The following ANXA8 variants were observed in gnomAD, a reference collection of about 807,000 sequenced individuals.
ANXA8 encodes VAC-beta.
In ANXA8, 9 loss-of-function variants were observed where a neutral mutation model predicts 26.8. That is an observed-to-expected ratio of 0.34 (90% confidence interval 0.20 to 0.59). The LOEUF is 0.59. Among genes scored for constraint, ANXA8 ranks in the 20% least tolerant of loss-of-function variants. The probability of loss-of-function intolerance (pLI) is 0.84; values close to 1 mark genes in which losing one functional copy is unlikely to be tolerated. For synonymous variants in ANXA8, 39 were observed against 94.8 expected, an observed-to-expected ratio of 0.41 and a Z score of 3.42; for missense variants, 83 against 238.5, an observed-to-expected ratio of 0.35 and a Z score of 4.29.
At chr10:47,740,249 G>A in the ANXA8 span, among the ~76,000 whole-genome samples, 1 of 144,592 alleles carries the variant, frequency 6.9e-6, no homozygotes, top group Non-Finnish European at 1.5e-5. Flanking sequence ...CCCTTCTCTA[G>A]GTCACGTCTA....
At chr10:47,726,892 A>G in the ANXA8 span, 7 of 1,590,610 alleles carry the variant, frequency 4.4e-6, no homozygotes, top group South Asian at 7.7e-5. Flanking sequence ...ACATCCATGT[A>G]GAATCAAAGC....
the ANXA8 span, among the ~76,000 whole-genome samples, chr10:47,744,439 A>AGGGGGGG: frequency 2.5e-4 from 6 of 23,794 alleles, no homozygotes; most frequent in Admixed American, 6.4e-4. Context: ...GGAGGGGGGA[A>AGGGGGGG]GAGGGGGGGC....
the ANXA8 span, among the ~76,000 whole-genome samples, chr10:47,900,076 TCAA>T: frequency 6.8e-6 from 1 of 147,554 alleles, no homozygotes; most frequent in East Asian, 2.1e-4. Context: ...AAGTTTATAA[TCAA>T]CAAGGAAATT....
At chr10:47,983,384 T>A in the ANXA8 span, among the ~76,000 whole-genome samples, 2 of 137,202 alleles carry the variant, frequency 1.5e-5, no homozygotes, top group Non-Finnish European at 1.6e-5. Context: ...TCCTTTCCAG[T>A]GGTAAGAGAC....
the ANXA8 span, among the ~76,000 whole-genome samples, chr10:47,519,239 G>A: frequency 0.014 from 1,829 of 127,842 alleles, 254 homozygotes; most frequent in African/African-American, 0.054. Context: ...AGGCTGAAGC[G>A]GGTAGATCAC....
At chr10:47,530,142 G>A in the ANXA8 span, among the ~76,000 whole-genome samples, 2 of 139,024 alleles carry the variant, frequency 1.4e-5, 1 homozygote, top group African/African-American at 5.4e-5. Context: ...ACCTGGGGCT[G>A]AAAGCAGGTA....
At chr10:47,577,195 A>T in the ANXA8 span, among the ~76,000 whole-genome samples, 6 of 142,242 alleles carry the variant, frequency 4.2e-5, no homozygotes, top group African/African-American at 8.2e-5. Context: ...ATTGCACTCC[A>T]GCCTGGGCGA....
the ANXA8 span, among the ~76,000 whole-genome samples, chr10:47,954,627 C>G: frequency 0.015 from 2,280 of 150,978 alleles, 21 homozygotes; most frequent in African/African-American, 0.053. Context: ...GTGATTATTA[C>G]GCATTGCATG....
chr10:47,506,487 C>T, the ANXA8 span, among the ~76,000 whole-genome samples: 752 of 138,272 alleles, frequency 5.4e-3, 80 homozygotes, highest in African/African-American at 0.019. Flanking sequence ...TGCACCACCA[C>T]GCCCAGCCAT....
At chr10:47,502,756 A>C in the ANXA8 span, 7 of 1,590,748 alleles carry the variant, frequency 4.4e-6, no homozygotes, top group South Asian at 7.7e-5. Flanking sequence ...CTGGCTGGTC[A>C]GCTGGGACTT....
the ANXA8 span, among the ~76,000 whole-genome samples, chr10:47,647,724 C>T: frequency 0.025 from 3,753 of 147,952 alleles, 1 homozygote; most frequent in Non-Finnish European, 0.037. Flanking sequence ...ATATATATTG[C>T]GAAATCTAAA....
At chr10:47,501,386 C>G in the ANXA8 span, among the ~76,000 whole-genome samples, 2 of 143,472 alleles carry the variant, frequency 1.4e-5, no homozygotes, top group African/African-American at 2.5e-5. Context: ...GACATTATTA[C>G]TTCACATCCA....
the ANXA8 span, among the ~76,000 whole-genome samples, chr10:47,500,556 G>A: frequency 1.9e-3 from 269 of 144,492 alleles, no homozygotes; most frequent in Admixed American, 2.7e-3. Flanking sequence ...TTTCAATCAT[G>A]AGAAATCACA....
At chr10:47,651,888 T>C in the ANXA8 span, among the ~76,000 whole-genome samples, 2 of 151,084 alleles carry the variant, frequency 1.3e-5, no homozygotes, top group African/African-American at 4.9e-5. Context: ...GAGCGAAACT[T>C]TGTCTCAAAA....
At chr10:47,657,063 A>G in the ANXA8 span, among the ~76,000 whole-genome samples, 5 of 147,644 alleles carry the variant, frequency 3.4e-5, no homozygotes, top group Admixed American at 3.4e-4. Flanking sequence ...TCTATTTGAG[A>G]GCCTTATATT....
chr10:47,776,736 A>G, the ANXA8 span, among the ~76,000 whole-genome samples: 1 of 151,958 alleles, frequency 6.6e-6, no homozygotes, highest in East Asian at 1.9e-4. Flanking sequence ...TAGAGGAGGT[A>G]GAGTGTGAGT....
the ANXA8 span, among the ~76,000 whole-genome samples, chr10:47,979,144 A>T: frequency 6.6e-6 from 1 of 151,298 alleles, no homozygotes; most frequent in African/African-American, 2.4e-5. Context: ...AAGAATATAT[A>T]TGCACTTAAT....
chr10:47,684,639 G>A, the ANXA8 span, among the ~76,000 whole-genome samples: 9 of 151,856 alleles, frequency 5.9e-5, no homozygotes, highest in Admixed American at 2.6e-4. Flanking sequence ...AGGCTGGAGG[G>A]CAGTGGCCCG....
the ANXA8 span, chr10:47,762,988 G>A: frequency 0.092 from 114,991 of 1,246,952 alleles, 6,085 homozygotes; most frequent in Non-Finnish European, 0.11. Flanking sequence ...AGGGTGCGGT[G>A]AGAGTACCAC....
Sources: allele counts gnomAD v4.1 joint callset (sites outside exome capture counted in the v4.1 genomes callset), GRCh38; gene constraint gnomAD v4.1.1; transcripts MANE v1.5; gene names NCBI Gene and HGNC (gene_info 2026-07-23, HGNC 2026-07-21).